NKAIN2: variants seen among roughly 807,000 people sequenced by gnomAD.
The protein encoded by NKAIN2 is sodium/potassium transporting ATPase interacting 2.
In NKAIN2, 14 loss-of-function variants were observed where a neutral mutation model predicts 32.6. The observed-to-expected ratio is 0.43, with a 90% confidence interval of 0.28 to 0.67. NKAIN2 has a LOEUF of 0.67. NKAIN2 is among the 30% of genes least tolerant of loss of function. The pLI is 0.17. For missense variants in NKAIN2, 198 were observed against 258.3 expected (o/e 0.77, Z 1.60); for synonymous variants, 80 against 87.2 (o/e 0.92, Z 0.46).
intron 1 of NKAIN2, among the ~76,000 whole-genome samples, chr6:123,940,770 T>G (rs901484524): frequency 2.4e-4 from 36 of 152,150 alleles, no homozygotes; most frequent in African/African-American, 8.4e-4. Flanking sequence ...GGTGAGTGAA[T>G]GCGAAGGCCT....
chr6:124,180,741 G>A (rs1171931931), intron 1 of NKAIN2, among the ~76,000 whole-genome samples: 1 of 152,162 alleles, frequency 6.6e-6, no homozygotes, highest in Non-Finnish European at 1.5e-5. Flanking sequence ...ACTTCCAAGA[G>A]GTGGGCTCCC....
chr6:124,541,659 G>A (rs1779917296), intron 3 of NKAIN2, among the ~76,000 whole-genome samples: 1 of 152,088 alleles, frequency 6.6e-6, no homozygotes, highest in Non-Finnish European at 1.5e-5. Flanking sequence ...GAAAGATTAG[G>A]TCATGTTTTT....
chr6:124,112,331 A>G (rs1785423331), intron 1 of NKAIN2, among the ~76,000 whole-genome samples: 1 of 152,118 alleles, frequency 6.6e-6, no homozygotes, highest in South Asian at 2.1e-4. Flanking sequence ...TGCCAGGTGG[A>G]GTATTATTTG....
intron 1 of NKAIN2, among the ~76,000 whole-genome samples, chr6:124,202,032 G>C (rs1044875511): frequency 6.6e-6 from 1 of 151,866 alleles, no homozygotes; most frequent in African/African-American, 2.4e-5. Flanking sequence ...ACCTGTAAAA[G>C]ATATCTAAGG....
intron 1 of NKAIN2, among the ~76,000 whole-genome samples, chr6:123,977,962 A>G (rs1317259651): frequency 1.3e-5 from 2 of 152,222 alleles, no homozygotes; most frequent in African/African-American, 2.4e-5. Flanking sequence ...GGAGGAAGAT[A>G]CAAAGCTAGA....
At chr6:124,587,233 A>G (rs996086846) in intron 3 of NKAIN2, among the ~76,000 whole-genome samples, 4 of 151,840 alleles carry the variant, frequency 2.6e-5, no homozygotes, top group African/African-American at 9.7e-5. Context: ...TAGGATCCAA[A>G]CTCCTCTTTT....
intron 3 of NKAIN2, among the ~76,000 whole-genome samples, chr6:124,409,389 A>C (rs1227036645): frequency 6.6e-5 from 10 of 152,114 alleles, no homozygotes; most frequent in South Asian, 2.1e-4. Flanking sequence ...ATTTATTGAG[A>C]GTTTTTAGCA....
chr6:124,274,022 C>A (rs1414516546), intron 1 of NKAIN2, among the ~76,000 whole-genome samples: 1 of 152,106 alleles, frequency 6.6e-6, no homozygotes, highest in East Asian at 1.9e-4. Context: ...ACCAGGAAGG[C>A]CTGCACTGTG....
At chr6:124,369,880 A>ATTTTTTTTTTTTTTTTTTTTTTTTTTT (rs61588781) in intron 3 of NKAIN2, among the ~76,000 whole-genome samples, 8 of 82,372 alleles carry the variant, frequency 9.7e-5, no homozygotes, top group African/African-American at 4.6e-4. Flanking sequence ...CAGAATGTCA[A>ATTTTTTTTTTTTTTTTTTTTTTTTTTT]TTTTTTTTTT....
At chr6:124,638,912 TAAGC>T (rs1783883100) in intron 3 of NKAIN2, among the ~76,000 whole-genome samples, 1 of 109,926 alleles carries the variant, frequency 9.1e-6, no homozygotes, top group Non-Finnish European at 2.0e-5. Flanking sequence ...AAAAAAAAGA[TAAGC>T]AAAGAATCTG....
intron 1 of NKAIN2, among the ~76,000 whole-genome samples, chr6:123,973,248 TA>T (rs1401545889): frequency 6.6e-6 from 1 of 152,088 alleles, no homozygotes; most frequent in Non-Finnish European, 1.5e-5. Context: ...GATTAAACTA[TA>T]CATGTCTCTG....
chr6:124,561,215 C>T (rs949727937), intron 3 of NKAIN2, among the ~76,000 whole-genome samples: 1 of 152,226 alleles, frequency 6.6e-6, no homozygotes, highest in Admixed American at 6.5e-5. Flanking sequence ...CAAAAAGCCA[C>T]ATTTCATCCA....
intron 1 of NKAIN2, among the ~76,000 whole-genome samples, chr6:124,206,219 GTGT>G (rs1305889951): frequency 3.2e-4 from 49 of 151,764 alleles, no homozygotes; most frequent in Non-Finnish European, 5.7e-4. Flanking sequence ...AATTAACCAC[GTGT>G]TGTGCTAGTT....
intron 5 of NKAIN2, among the ~76,000 whole-genome samples, chr6:124,794,318 T>C (rs1344666850): frequency 6.6e-6 from 1 of 152,160 alleles, no homozygotes; most frequent in East Asian, 1.9e-4. Context: ...GCACTTGATA[T>C]TCTGGAGAAT....
intron 1 of NKAIN2, among the ~76,000 whole-genome samples, chr6:124,230,796 A>G (rs1792407001): frequency 6.6e-6 from 1 of 152,234 alleles, no homozygotes. Flanking sequence ...ATGTTCAGGC[A>G]GAAGTTTGCT....
intron 3 of NKAIN2, among the ~76,000 whole-genome samples, chr6:124,440,640 G>T (rs977999856): frequency 7.2e-5 from 11 of 152,078 alleles, no homozygotes; most frequent in Non-Finnish European, 1.6e-4. Flanking sequence ...TTGATCCACT[G>T]TGTAGTATCA....
intron 2 of NKAIN2, among the ~76,000 whole-genome samples, chr6:124,290,307 A>G (rs910374130): frequency 6.6e-6 from 1 of 152,152 alleles, no homozygotes; most frequent in African/African-American, 2.4e-5. Context: ...ATCATCTAAT[A>G]ATTTTTGAAA....
chr6:124,116,713 C>G (rs543470203), intron 1 of NKAIN2, among the ~76,000 whole-genome samples: 5 of 152,176 alleles, frequency 3.3e-5, no homozygotes, highest in Non-Finnish European at 5.9e-5. Context: ...CTATTTCTAA[C>G]ATCAAAACAT....
At chr6:123,818,388 CA>C in intron 1 of NKAIN2, among the ~76,000 whole-genome samples, 1 of 147,708 alleles carries the variant, frequency 6.8e-6, no homozygotes, top group Non-Finnish European at 1.5e-5. Context: ...CACACACACA[CA>C]CACACACACA....
Sources: allele counts gnomAD v4.1 joint callset (sites outside exome capture counted in the v4.1 genomes callset), GRCh38; gene constraint gnomAD v4.1.1; transcripts MANE v1.5; gene names NCBI Gene and HGNC (gene_info 2026-07-23, HGNC 2026-07-21).